ATP1B1: variants seen among roughly 807,000 people sequenced by gnomAD.
ATP1B1 encodes sodium/potassium-transporting ATPase subunit beta-1.
In ATP1B1, 3 loss-of-function variants were observed where a neutral mutation model predicts 39.6. The ratio of observed to expected loss-of-function variants is 0.08; its 90% confidence interval spans 0.03 to 0.20. The LOEUF is 0.20. ATP1B1 is among the 10% of genes least tolerant of loss of function. ATP1B1 has a pLI of 1.00. For missense variants in ATP1B1, 216 were observed against 371.1 expected (o/e 0.58, Z 3.43); for synonymous variants, 139 against 135.0 (o/e 1.03, Z -0.20).
chr1:169,122,791 A>G (rs1658008490), intron 2 of ATP1B1, among the ~76,000 whole-genome samples: 1 of 121,534 alleles, frequency 8.2e-6, no homozygotes, highest in Non-Finnish European at 1.6e-5. Context: ...GAGTCTTGCT[A>G]GGTTGCCTGG....
chr1:169,110,586 TGCTTTTGCAGCTA>T, intron 1 of ATP1B1: 1 of 898,572 alleles, frequency 1.1e-6, no homozygotes, highest in Non-Finnish European at 1.4e-6. Flanking sequence ...TTTTTTTTTT[TGCTTTTGCAGCTA>T]TTTCAGCCTC....
Position 169,125,703 on chromosome 1 carries a change from G to GT in ATP1B1, c.382+665dup, listed in dbSNP as rs560620189. On this transcript the variant is annotated intron_variant, in intron 3 of 5. Transcript: ENST00000367815. ...CAAAAAAATACTCTCGCTGGGTGCA[G>GT]TGGCTCATGCCTGTAATCCTTGCAC... Among the ~76,000 whole-genome samples the GT allele has an allele frequency of 7.4e-3, 1,128 of 152,318 alleles. 8 individuals carry two copies. Among genetic ancestry groups the GT allele is most frequent in the Non-Finnish European group, 0.012 (848 of 68,032 alleles).
At chr1:169,116,020 T>C (rs1657839233) in intron 2 of ATP1B1, among the ~76,000 whole-genome samples, 1 of 152,208 alleles carries the variant, frequency 6.6e-6, no homozygotes, top group African/African-American at 2.4e-5. Context: ...TTAGCTATGC[T>C]GGAGAGGGCT....
At chr1:169,112,817 G>T (rs1386541216) in intron 2 of ATP1B1, among the ~76,000 whole-genome samples, 1 of 152,174 alleles carries the variant, frequency 6.6e-6, no homozygotes, top group Non-Finnish European at 1.5e-5. Context: ...TAATAATCCA[G>T]TTTCCAGCAA....
At chr1:169,127,486 A>G in intron 4 of ATP1B1, 78 bp downstream of exon 4, 1 of 1,475,798 alleles carries the variant, frequency 6.8e-7, no homozygotes, top group South Asian at 1.3e-5. Flanking sequence ...AGACAATGTA[A>G]GATAGTTTTA....
At chr1:169,113,109 A>T (rs1424753870) in intron 2 of ATP1B1, among the ~76,000 whole-genome samples, 1 of 151,494 alleles carries the variant, frequency 6.6e-6, no homozygotes, top group African/African-American at 2.4e-5. Flanking sequence ...TCTGTCACCT[A>T]GGCTGGAGTG....
rs111600416 is a variant in ATP1B1, at chr1:169,120,419, G to A, written c.227-4465G>A. Among the ~76,000 whole-genome samples, 822 of 152,296 alleles carry A rather than the reference G, an allele frequency of 5.4e-3. 7 individuals carry two copies. Among genetic ancestry groups the A allele is most frequent in the African/African-American group, 0.019 (786 of 41,550 alleles). On this transcript the variant is annotated intron_variant, in intron 2 of 5. Transcript: ENST00000367815. Reference sequence around the variant, plus strand: ...CCTCAGACTCCAGAGGGAAACATGAGCTCACAAAACAGTAAGACATGACTG... The same window carrying A: ...CCTCAGACTCCAGAGGGAAACATGAACTCACAAAACAGTAAGACATGACTG...
intron 4 of ATP1B1, among the ~76,000 whole-genome samples, chr1:169,129,421 C>T (rs927790917): frequency 2.6e-5 from 4 of 152,180 alleles, no homozygotes; most frequent in African/African-American, 9.6e-5. Flanking sequence ...CCCTTCAAGA[C>T]CACCCTTCCT....
In ATP1B1 at chr1:169,125,003, G is replaced by C; in HGVS notation, c.346G>C (p.Ala116Pro). 1 of 1,613,580 alleles carries C rather than the reference G, an allele frequency of 6.2e-7. No individual in the cohort carries two copies. Among genetic ancestry groups the C allele is most frequent in the South Asian group, 1.1e-5 (1 of 90,926 alleles). Residue 116 changes from alanine (A) to proline (P), a missense_variant, in exon 3 of 6, where the codon GCC becomes CCC. Transcript: ENST00000367815. ...VRFLEKYKDS[A>P]QRDDMIFEDC... ...GTTCCTGGAAAAGTACAAAGATTCA[G>C]CCCAGAGGGATGACATGATTTTTGA...
chr1:169,118,053 ACCTTT>A (rs1388006894), intron 2 of ATP1B1, among the ~76,000 whole-genome samples: 3 of 152,230 alleles, frequency 2.0e-5, no homozygotes, highest in Non-Finnish European at 4.4e-5. Context: ...TAAAAGTGGC[ACCTTT>A]CCTTTATTGT....
At chr1:169,110,115 G>A (rs1657696044) in intron 1 of ATP1B1, among the ~76,000 whole-genome samples, 1 of 152,082 alleles carries the variant, frequency 6.6e-6, no homozygotes, top group South Asian at 2.1e-4. Context: ...GTGGTTTTGT[G>A]TGTTTTGCTT....
chr1:169,128,183 G>A (rs1658127723), intron 4 of ATP1B1, among the ~76,000 whole-genome samples: 1 of 152,056 alleles, frequency 6.6e-6, no homozygotes, highest in Non-Finnish European at 1.5e-5. Context: ...CTTAAGCCTG[G>A]CTTCTTCTGG....
At chr1:169,130,507 C>T (rs1427412667) in intron 5 of ATP1B1, among the ~76,000 whole-genome samples, 2 of 151,886 alleles carry the variant, frequency 1.3e-5, no homozygotes, top group African/African-American at 2.4e-5. Context: ...ATTGAAATAT[C>T]GCCTGGTGCA....
At chr1:169,110,748 C>A in intron 1 of ATP1B1, 3 of 1,154,312 alleles carry the variant, frequency 2.6e-6, no homozygotes, top group Non-Finnish European at 3.4e-6. Context: ...TTCCCCTTGT[C>A]TTGTCCTCCG....
intron 4 of ATP1B1, among the ~76,000 whole-genome samples, chr1:169,128,385 T>C (rs1658132288): frequency 6.6e-6 from 1 of 152,220 alleles, no homozygotes; most frequent in Admixed American, 6.5e-5. Context: ...TACCCATGAA[T>C]AATATTTTCA....
At chr1:169,123,504 G>C (rs923771411) in intron 2 of ATP1B1, among the ~76,000 whole-genome samples, 6 of 151,866 alleles carry the variant, frequency 4.0e-5, no homozygotes, top group African/African-American at 1.5e-4. Flanking sequence ...GTGAGGAGTA[G>C]AATCAAGTTG....
At chr1:169,117,190 C>G (rs769531752) in intron 2 of ATP1B1, among the ~76,000 whole-genome samples, 5 of 152,216 alleles carry the variant, frequency 3.3e-5, no homozygotes, top group Non-Finnish European at 7.3e-5. Context: ...CTGTCTCTCA[C>G]TTTCCCTCTC....
intron 2 of ATP1B1, among the ~76,000 whole-genome samples, chr1:169,120,541 T>C (rs1399597625): frequency 6.6e-6 from 1 of 152,218 alleles, no homozygotes; most frequent in Non-Finnish European, 1.5e-5. Flanking sequence ...TGGCCTAGGG[T>C]CTAATCCAGC....
rs747735825 is a variant in ATP1B1, at chr1:169,106,781, C to G, written c.-49C>G. 6.7e-7 allele frequency: 1 copy of G among 1,501,330 alleles called. No homozygotes were observed. The highest frequency in any genetic ancestry group is 1.5e-5 in the African/African-American group (1 of 68,944). The allele number at this position is 1,501,330 out of a possible 1,614,324, so 93.0% of individuals were successfully genotyped here. On this transcript the variant is annotated 5_prime_UTR_variant, in exon 1 of 6. Transcript: ENST00000367815. ...GCGCAGAGGACGCCAGGGCGCGCGC[C>G]GCAGCCACCCACCCTCCGGACCGCG...
Sources: gnomAD v4.1 joint callset for allele counts (sites outside exome capture counted in the v4.1 genomes callset) on GRCh38, gnomAD v4.1.1 for gene constraint, MANE v1.5 for transcripts, NCBI Gene and HGNC (gene_info 2026-07-23, HGNC 2026-07-21) for gene names.